ASZ1: variants seen among roughly 807,000 people sequenced by gnomAD.
ASZ1 encodes the protein ankyrin repeat, SAM and basic leucine zipper domain containing 1, also known as ankyrin repeat, SAM and basic leucine zipper domain-containing protein 1.
Under a neutral mutation model 61.8 loss-of-function variants are expected in ASZ1, and 67 were observed. The observed-to-expected ratio is 1.08, with a 90% CI of 0.89 to 1.33. ASZ1 has a LOEUF of 1.33. Among genes scored for constraint, ASZ1 ranks in the 40% most tolerant of loss-of-function variants. The pLI, the probability that ASZ1 is intolerant of heterozygous loss-of-function variation, is 0.00. For missense variants in ASZ1, 577 were observed against 554.5 expected (o/e 1.04, Z -0.41); for synonymous variants, 193 against 192.7 (o/e 1.00, Z -0.01).
intron 4 of ASZ1, among the ~76,000 whole-genome samples, chr7:117,389,698 G>C (rs80349563): frequency 1.3e-5 from 2 of 152,078 alleles, no homozygotes; most frequent in African/African-American, 4.8e-5. Flanking sequence ...CTGCACCCTC[G>C]GGCAACACTC....
chr7:117,374,667 CAACTAAAAAAAGAAAACTT>C (rs2116455865), intron 10 of ASZ1, among the ~76,000 whole-genome samples: 1 of 151,760 alleles, frequency 6.6e-6, no homozygotes, highest in Non-Finnish European at 1.5e-5. Context: ...TCTCTTAAAT[CAACTAAAAAAAGAAAACTT>C]AGAAAAGAAT....
intron 10 of ASZ1, among the ~76,000 whole-genome samples, chr7:117,369,108 G>T (rs1223065142): frequency 2.0e-5 from 3 of 152,116 alleles, no homozygotes; most frequent in Non-Finnish European, 4.4e-5. Context: ...CTATTTTATA[G>T]TGGAGACATC....
Position 117,368,785 on chromosome 7 carries a change from C to T in ASZ1, c.1056-68G>A, listed in dbSNP as rs917932606. 1.9e-6 allele frequency: 3 copies of T among 1,589,072 alleles called. No homozygotes were observed. In the South Asian group the frequency reaches 3.5e-5, roughly 18 times the overall value. On this transcript the variant is annotated intron_variant, in intron 10 of 12. Coordinates refer to ENST00000284629, the MANE Select transcript of ASZ1 (RefSeq NM_130768.3). ...GAGCAATTTATTTCATTCTACTAGG[C>T]AAGTTACTGAAAATCTAGTCATAAA...
At chr7:117,377,802 T>C (rs1796164311) in intron 10 of ASZ1, among the ~76,000 whole-genome samples, 2 of 152,112 alleles carry the variant, frequency 1.3e-5, no homozygotes, top group Admixed American at 1.3e-4. Flanking sequence ...GTTTACCATA[T>C]AGTTAGAGTA....
intron 12 of ASZ1, among the ~76,000 whole-genome samples, chr7:117,366,339 A>G (rs1795935715): frequency 6.6e-6 from 1 of 152,202 alleles, no homozygotes; most frequent in African/African-American, 2.4e-5. Context: ...TACTTGGAAC[A>G]TGTATACAAT....
intron 4 of ASZ1, among the ~76,000 whole-genome samples, chr7:117,402,981 T>G (rs1584735120): frequency 6.6e-6 from 1 of 152,098 alleles, no homozygotes; most frequent in East Asian, 1.9e-4. Context: ...TATCATCAAT[T>G]TAATGGAAAA....
At chr7:117,364,419 CAGAGAGAGAGAG>C (rs35394991) in intron 12 of ASZ1, among the ~76,000 whole-genome samples, 1 of 145,214 alleles carries the variant, frequency 6.9e-6, no homozygotes, top group Non-Finnish European at 1.5e-5. Flanking sequence ...GACAGAGAGA[CAGAGAGAGAGAG>C]AGAGAGAGAG....
chr7:117,379,841 T>C, intron 10 of ASZ1, 97 bp downstream of exon 10: 1 of 722,548 alleles, frequency 1.4e-6, no homozygotes, highest in South Asian at 2.3e-5. Context: ...AAAATGATGG[T>C]ATCAAGTAAA....
rs577384608 is a variant in ASZ1, at chr7:117,387,144, TAA to T, written c.441-1337_441-1336del. ...GGAAAGCCCTGCCTCTACCTCTACT[TAA>T]AAAAAAAAAAAAAAAAAAATTAGCT... is the stretch of plus-strand genomic sequence containing the variant. On this transcript the variant is annotated intron_variant, in intron 4 of 12. Coordinates refer to ENST00000284629, the MANE Select transcript of ASZ1 (RefSeq NM_130768.3). Among the ~76,000 whole-genome samples, 948 of 121,734 alleles carry T rather than the reference TAA, an allele frequency of 7.8e-3. 12 individuals carry two copies. Among genetic ancestry groups the T allele is most frequent in the African/African-American group, 0.027 (877 of 32,172 alleles). The allele number at this position is 121,734 out of a possible 152,430, so 79.9% of individuals were successfully genotyped here. A position where few individuals can be genotyped will look rare whatever the true frequency, so the allele number is the denominator to read the frequency against.
At chr7:117,367,326 C>T (rs748957936) in intron 12 of ASZ1, 26 bp downstream of exon 12, 9 of 1,415,272 alleles carry the variant, frequency 6.4e-6, no homozygotes, top group Non-Finnish European at 7.5e-6. Flanking sequence ...TTCATTTTTC[C>T]CCTCCTTTTA....
At position 117,381,068 on chromosome 7, in the gene ASZ1, C is replaced by T. The variant is rs758923931; in HGVS notation, c.889-1G>A. On this transcript the variant is annotated splice_acceptor_variant, in intron 8 of 12. Coordinates refer to ENST00000284629, the MANE Select transcript of ASZ1 (RefSeq NM_130768.3). LOFTEE classifies it high-confidence loss of function. ...GATGTCTTAACGTTATATCCCTTTC[C>T]TGTATAAAAGGAAAAAAAGGCCACC... The T allele has an allele frequency of 1.3e-6, 2 of 1,579,780 alleles. No individual in the cohort carries two copies. Among genetic ancestry groups the T allele is most frequent in the Non-Finnish European group, 1.7e-6 (2 of 1,162,364 alleles).
intron 4 of ASZ1, among the ~76,000 whole-genome samples, chr7:117,390,850 C>T (rs538527405): frequency 6.6e-6 from 1 of 152,176 alleles, no homozygotes; most frequent in African/African-American, 2.4e-5. Context: ...ATTACAGGCG[C>T]CTGCCACTGC....
At chr7:117,417,355 C>T (rs1460009958) in intron 4 of ASZ1, among the ~76,000 whole-genome samples, 1 of 152,152 alleles carries the variant, frequency 6.6e-6, no homozygotes, top group East Asian at 1.9e-4. Flanking sequence ...ACAAAAAAGG[C>T]TACATCAACA....
chr7:117,412,039 AGTGTGTGTGT>A (rs57672347), intron 4 of ASZ1, among the ~76,000 whole-genome samples: 131 of 128,438 alleles, frequency 1.0e-3, no homozygotes, highest in African/African-American at 2.7e-3. Flanking sequence ...AGTGAAAAGA[AGTGTGTGTGT>A]GTGTGTGTGT....
chr7:117,374,423 G>C (rs1396397722), intron 10 of ASZ1, among the ~76,000 whole-genome samples: 1 of 151,970 alleles, frequency 6.6e-6, no homozygotes, highest in African/African-American at 2.4e-5. Context: ...AAGCTCCTTA[G>C]GTCATTCTGA....
chr7:117,366,196 G>A (rs906223765), intron 12 of ASZ1, among the ~76,000 whole-genome samples: 13 of 152,050 alleles, frequency 8.5e-5, no homozygotes, highest in Admixed American at 6.6e-4. Context: ...TCTGGAAGGC[G>A]GAGGTTGCAG....
intron 4 of ASZ1, among the ~76,000 whole-genome samples, chr7:117,402,535 G>C (rs886593097): frequency 6.6e-6 from 1 of 152,136 alleles, no homozygotes; most frequent in African/African-American, 2.4e-5. Flanking sequence ...CAATTCACAA[G>C]GTTGTCCCTG....
intron 2 of ASZ1, 35 bp downstream of exon 2, chr7:117,426,801 G>T: frequency 6.5e-7 from 1 of 1,533,652 alleles, no homozygotes; most frequent in East Asian, 2.3e-5. Flanking sequence ...ACTTAAGACA[G>T]CTGTGTTCAG....
chr7:117,396,804 CT>C (rs1796582849), intron 4 of ASZ1, among the ~76,000 whole-genome samples: 3 of 151,686 alleles, frequency 2.0e-5, no homozygotes, highest in South Asian at 2.1e-4. Context: ...AAATGAAAGG[CT>C]TTTTTTTCCC....
Sources: gnomAD v4.1 joint callset for allele counts (sites outside exome capture counted in the v4.1 genomes callset) on GRCh38, gnomAD v4.1.1 for gene constraint, MANE v1.5 for transcripts, NCBI Gene and HGNC (gene_info 2026-07-23, HGNC 2026-07-21) for gene names.